Variants in NT5DC3 observed in about 807,000 individuals in gnomAD.
The protein encoded by NT5DC3 is 5'-nucleotidase domain-containing protein 3.
A neutral mutation model predicts 67.8 loss-of-function variants in NT5DC3; 42 were observed. That is an observed-to-expected ratio of 0.62 (90% CI 0.48 to 0.80). NT5DC3 has a LOEUF of 0.80. NT5DC3 is among the 30% of genes least tolerant of loss of function. The pLI, the probability that NT5DC3 is intolerant of heterozygous loss-of-function variation, is 0.00. For missense variants in NT5DC3, 570 were observed against 696.4 expected (o/e 0.82, Z 2.04); for synonymous variants, 237 against 255.6 (o/e 0.93, Z 0.69).
chr12:103,793,324 C>T, intron 8 of NT5DC3, 59 bp from the exon 9 acceptor site: 1 of 1,562,462 alleles, frequency 6.4e-7, no homozygotes, highest in African/African-American at 1.4e-5. Flanking sequence ...GTGTCTGTAA[C>T]TTTTTCTTTC....
chr12:103,805,620 C>T (rs995532414), intron 4 of NT5DC3, among the ~76,000 whole-genome samples: 1 of 151,976 alleles, frequency 6.6e-6, no homozygotes, highest in African/African-American at 2.4e-5. Flanking sequence ...CTGAGGCAGG[C>T]AGATCACTTG....
intron 9 of NT5DC3, among the ~76,000 whole-genome samples, chr12:103,790,273 T>C (rs948648922): frequency 1.1e-4 from 16 of 151,864 alleles, no homozygotes; most frequent in African/African-American, 3.6e-4. Flanking sequence ...CCTAGTTTAT[T>C]TTATTTTATT....
At chr12:103,784,116 C>T (rs935425566) in intron 12 of NT5DC3, among the ~76,000 whole-genome samples, 3 of 152,136 alleles carry the variant, frequency 2.0e-5, no homozygotes, top group Non-Finnish European at 4.4e-5. Flanking sequence ...ATTAAATGAG[C>T]AAAGTGTATA....
At chr12:103,759,169 A>T in the NT5DC3 span, 1 of 1,614,042 alleles carries the variant, frequency 6.2e-7, no homozygotes, top group African/African-American at 1.3e-5. Context: ...CCACCTCGCC[A>T]ATGTCAGCAT....
chr12:103,767,841 G>C (rs1885049160), downstream of NT5DC3, among the ~76,000 whole-genome samples: 1 of 151,966 alleles, frequency 6.6e-6, no homozygotes, highest in Non-Finnish European at 1.5e-5. Context: ...CCAGCACTTT[G>C]GGAGGCTGAG....
intron 1 of NT5DC3, among the ~76,000 whole-genome samples, chr12:103,836,860 T>G (rs1888169491): frequency 6.6e-6 from 1 of 152,156 alleles, no homozygotes; most frequent in Non-Finnish European, 1.5e-5. Flanking sequence ...CTGTGGCTTC[T>G]GCAGGTGCAA....
downstream of NT5DC3, among the ~76,000 whole-genome samples, chr12:103,765,801 C>T (rs1884908382): frequency 6.6e-6 from 1 of 152,282 alleles, no homozygotes; most frequent in South Asian, 2.1e-4. Flanking sequence ...CTCAGCCTCC[C>T]GAAGTGCTGG....
At position 103,796,403 on chromosome 12, in the gene NT5DC3, G is replaced by C. The variant is rs185464078; in HGVS notation, c.753+491C>G. ...GTGGTGGCAGGCGCCTGTAATCCCA[G>C]CTACTTGGGAGGCTGAGGCAGGAGA... On this transcript the variant is annotated intron_variant, in intron 6 of 13. Coordinates refer to ENST00000392876, the MANE Select transcript of NT5DC3 (RefSeq NM_001031701.3). Among the ~76,000 whole-genome samples, 695 of 152,336 alleles carry C rather than the reference G, an allele frequency of 4.6e-3. 3 individuals carry two copies. The highest frequency in any genetic ancestry group is 0.016 in the African/African-American group (666 of 41,590).
downstream of NT5DC3, chr12:103,766,870 C>CAT (rs1360258716): frequency 1.9e-5 from 3 of 155,316 alleles, no homozygotes; most frequent in African/African-American, 7.2e-5. Flanking sequence ...TTTAAGAAGA[C>CAT]ATGATAATCA....
At chr12:103,778,301 C>T (rs541608460) in intron 13 of NT5DC3, among the ~76,000 whole-genome samples, 69 of 152,198 alleles carry the variant, frequency 4.5e-4, no homozygotes, top group Non-Finnish European at 7.2e-4. Context: ...GAGGCCAAGG[C>T]AGGCAGATCA....
the NT5DC3 span, chr12:103,753,114 C>G: frequency 6.9e-7 from 1 of 1,439,738 alleles, no homozygotes; most frequent in Non-Finnish European, 9.4e-7. Flanking sequence ...TGGAGACACC[C>G]TGGGGTATAG....
intron 10 of NT5DC3, 132 bp from the exon 11 acceptor site, chr12:103,787,659 G>A: frequency 2.0e-6 from 1 of 499,258 alleles, no homozygotes; most frequent in Non-Finnish European, 3.5e-6. Flanking sequence ...AAAGATAAAA[G>A]CACCTTCATG....
chr12:103,783,560 G>A (rs17794246), intron 12 of NT5DC3, among the ~76,000 whole-genome samples: 14,199 of 152,084 alleles, frequency 0.093, 891 homozygotes, highest in East Asian at 0.26. Flanking sequence ...TCTGCCAACC[G>A]AGAACTGTGA....
chr12:103,811,929 C>A (rs1020219134), intron 2 of NT5DC3, among the ~76,000 whole-genome samples: 4 of 151,890 alleles, frequency 2.6e-5, no homozygotes, highest in African/African-American at 7.2e-5. Flanking sequence ...GCGGTCACAG[C>A]CAATGCTTTG....
chr12:103,824,516 C>T (rs1887612680), intron 1 of NT5DC3, among the ~76,000 whole-genome samples: 1 of 152,212 alleles, frequency 6.6e-6, no homozygotes, highest in South Asian at 2.1e-4. Context: ...GGCAGAACAC[C>T]TGACTCACGC....
At chr12:103,828,702 ATT>A (rs1431979952) in intron 1 of NT5DC3, among the ~76,000 whole-genome samples, 2 of 139,514 alleles carry the variant, frequency 1.4e-5, no homozygotes, top group Non-Finnish European at 3.1e-5. Flanking sequence ...CTTTCTTTTT[ATT>A]TTTTTTTTTT....
At chr12:103,753,771 A>G in the NT5DC3 span, among the ~76,000 whole-genome samples, 1 of 152,218 alleles carries the variant, frequency 6.6e-6, no homozygotes, top group East Asian at 1.9e-4. Context: ...GGAGACTGGA[A>G]GTGCATCCCT....
At chr12:103,840,386 A>C (rs1566137632) in intron 1 of NT5DC3, among the ~76,000 whole-genome samples, 1 of 124,564 alleles carries the variant, frequency 8.0e-6, no homozygotes. Flanking sequence ...AGCTCATCTC[A>C]TCTCATCTCA....
chr12:103,749,235 C>G, the NT5DC3 span: 328 of 1,417,634 alleles, frequency 2.3e-4, no homozygotes, highest in South Asian at 2.8e-4. Context: ...CTCCCATACT[C>G]TGCTTATCTC....
Sources: allele counts gnomAD v4.1 joint callset (sites outside exome capture counted in the v4.1 genomes callset), GRCh38; gene constraint gnomAD v4.1.1; transcripts MANE v1.5; gene names NCBI Gene and HGNC (gene_info 2026-07-23, HGNC 2026-07-21).